RGS6: variants seen among roughly 807,000 people sequenced by gnomAD.
RGS6 encodes regulator of G protein signaling 6, also known as regulator of G-protein signaling 6.
A neutral mutation model predicts 78.5 loss-of-function variants in RGS6; 30 were observed. That is an observed-to-expected ratio of 0.38 (90% CI 0.29 to 0.52). The LOEUF (loss-of-function observed/expected upper bound fraction) is 0.52. Among genes scored for constraint, RGS6 ranks in the 20% least tolerant of loss-of-function variants. The probability of loss-of-function intolerance (pLI) is 0.85; values close to 1 mark genes in which losing one functional copy is unlikely to be tolerated. For missense variants in RGS6, 495 were observed against 609.7 expected (o/e 0.81, Z 1.98); for synonymous variants, 206 against 206.0 (o/e 1.00, Z 0.00).
Position 72,167,841 on chromosome 14 carries a change from A to T in RGS6, c.85-184254A>T, listed in dbSNP as rs187536640. Among the ~76,000 whole-genome samples, 853 of 152,280 alleles carry T rather than the reference A, an allele frequency of 5.6e-3. 6 individuals carry two copies. Among genetic ancestry groups the T allele is most frequent in the Non-Finnish European group, 0.01 (687 of 68,040 alleles). On this transcript the variant is annotated intron_variant, in intron 2 of 17. Transcript: ENST00000553525. Reference sequence around the variant, plus strand: ...CTAATATTAAATAGCTGGGGGTGAGAGTTGGAATAATGAGCAGCCTCTGTA... The same window carrying T: ...CTAATATTAAATAGCTGGGGGTGAGTGTTGGAATAATGAGCAGCCTCTGTA...
intron 2 of RGS6, among the ~76,000 whole-genome samples, chr14:72,259,910 C>CAAAAAAAAAAAAAAAAAAAAAAAAAA (rs11287556): frequency 1.0e-4 from 7 of 68,400 alleles, no homozygotes; most frequent in African/African-American, 5.4e-4. Context: ...GACTCCGTCT[C>CAAAAAAAAAAAAAAAAAAAAAAAAAA]AAAAAAAAAA....
At chr14:72,476,409 G>A (rs765266831) in intron 10 of RGS6, among the ~76,000 whole-genome samples, 1 of 152,192 alleles carries the variant, frequency 6.6e-6, no homozygotes, top group Non-Finnish European at 1.5e-5. Context: ...AAGTCCAGGG[G>A]GCGAGGGGAT....
chr14:72,353,982 T>A (rs1187518125), intron 3 of RGS6, among the ~76,000 whole-genome samples: 1 of 148,668 alleles, frequency 6.7e-6, no homozygotes, highest in East Asian at 2.0e-4. Flanking sequence ...AGACTCTGTC[T>A]CAGCAACAAC....
chr14:72,163,087 T>C (rs1192124392), intron 2 of RGS6, among the ~76,000 whole-genome samples: 1 of 152,100 alleles, frequency 6.6e-6, no homozygotes, highest in African/African-American at 2.4e-5. Context: ...AGACTACAAA[T>C]TGGGTTCAGT....
At chr14:72,550,362 A>G in intron 17 of RGS6, 1 of 1,008,606 alleles carries the variant, frequency 9.9e-7, no homozygotes, top group East Asian at 2.6e-5. Context: ...ACCTGTACTT[A>G]GTGACAGGGC....
In RGS6 at chr14:72,434,608, T is replaced by C. The variant is rs142077069; in HGVS notation, c.185-19920T>C. Among the ~76,000 whole-genome samples, 56 of 152,266 alleles carry C rather than the reference T, an allele frequency of 3.7e-4. No individual in the cohort carries two copies. In the East Asian group the frequency reaches 0.01, roughly 27 times the overall value. ...CCAGGCTGATCTCAACAAGTAAACA[T>C]TAGTTTATTCATCTGTCTTCTCCCT... On this transcript the variant is annotated intron_variant, in intron 3 of 17. Transcript: ENST00000553525.
chr14:72,474,428 C>T (rs1368774834), intron 9 of RGS6, among the ~76,000 whole-genome samples, 197 bp from the exon 10 acceptor site: 1 of 152,028 alleles, frequency 6.6e-6, no homozygotes, highest in Non-Finnish European at 1.5e-5. Flanking sequence ...ACATATCATC[C>T]TTAGATTATG....
chr14:72,079,455 C>T (rs937867450), intron 2 of RGS6, among the ~76,000 whole-genome samples: 1 of 152,056 alleles, frequency 6.6e-6, no homozygotes, highest in Middle Eastern at 3.2e-3. Flanking sequence ...CAACATGATG[C>T]TTTGATATAT....
intron 3 of RGS6, among the ~76,000 whole-genome samples, chr14:72,389,935 A>G (rs973200520): frequency 6.6e-6 from 1 of 152,196 alleles, no homozygotes; most frequent in East Asian, 1.9e-4. Context: ...ATATTCTTAA[A>G]TTAACAACAA....
intron 3 of RGS6, among the ~76,000 whole-genome samples, chr14:72,436,115 C>T (rs1208941622): frequency 6.6e-6 from 1 of 152,116 alleles, no homozygotes; most frequent in Non-Finnish European, 1.5e-5. Context: ...CTTTAGCAGC[C>T]ATTGTGAACC....
intron 3 of RGS6, among the ~76,000 whole-genome samples, chr14:72,440,753 G>A (rs1054999032): frequency 6.6e-6 from 1 of 152,124 alleles, no homozygotes; most frequent in Non-Finnish European, 1.5e-5. Flanking sequence ...ATAACATATA[G>A]TTATTTCCTA....
At chr14:72,587,569 A>G in the RGS6 span, among the ~76,000 whole-genome samples, 1 of 152,152 alleles carries the variant, frequency 6.6e-6, no homozygotes, top group Non-Finnish European at 1.5e-5. Context: ...TAATTAATAT[A>G]CCCACTTACA....
At chr14:72,240,134 C>T (rs1051164260) in intron 2 of RGS6, among the ~76,000 whole-genome samples, 2 of 152,146 alleles carry the variant, frequency 1.3e-5, no homozygotes, top group African/African-American at 2.4e-5. Context: ...TCCCCTAACC[C>T]CCACCCTCTA....
At chr14:72,331,709 G>A (rs565661136) in intron 2 of RGS6, among the ~76,000 whole-genome samples, 101 of 152,052 alleles carry the variant, frequency 6.6e-4, no homozygotes, top group African/African-American at 2.4e-3. Flanking sequence ...ACAGAGCTCT[G>A]GTGATACCTC....
At chr14:72,418,251 C>G (rs1195643846) in intron 3 of RGS6, among the ~76,000 whole-genome samples, 37 of 152,070 alleles carry the variant, frequency 2.4e-4, no homozygotes, top group Admixed American at 2.4e-3. Context: ...ACTGCAACCT[C>G]CACCTCCCGG....
intron 15 of RGS6, among the ~76,000 whole-genome samples, chr14:72,527,087 A>G (rs190962403): frequency 2.6e-5 from 4 of 152,364 alleles, no homozygotes; most frequent in Admixed American, 6.5e-5. Context: ...CCCTTCAAGT[A>G]TAGATGGCAA....
the RGS6 span, among the ~76,000 whole-genome samples, chr14:72,626,403 T>G: frequency 6.6e-6 from 1 of 152,130 alleles, no homozygotes; most frequent in African/African-American, 2.4e-5. Flanking sequence ...TTTTCTTATG[T>G]CTCTTTTTTC....
intron 3 of RGS6, among the ~76,000 whole-genome samples, chr14:72,369,076 T>A (rs558889755): frequency 6.2e-4 from 94 of 152,316 alleles, no homozygotes; most frequent in African/African-American, 2.0e-3. Flanking sequence ...AATCTCATAA[T>A]GTTTTAAGAA....
At chr14:72,030,103 T>C (rs734427) in intron 2 of RGS6, among the ~76,000 whole-genome samples, 6,662 of 152,278 alleles carry the variant, frequency 0.044, 181 homozygotes, top group African/African-American at 0.078. Context: ...CTTTAATAAG[T>C]TATTAATGAC....
Sources: allele counts gnomAD v4.1 joint callset (sites outside exome capture counted in the v4.1 genomes callset), GRCh38; gene constraint gnomAD v4.1.1; transcripts MANE v1.5; gene names NCBI Gene and HGNC (gene_info 2026-07-23, HGNC 2026-07-21).